Variants in HBE1 observed in about 807,000 individuals in gnomAD.
The protein encoded by HBE1 is hemoglobin subunit epsilon.
Under a neutral mutation model 12.1 loss-of-function variants are expected in HBE1, and 10 were observed. That is an observed-to-expected ratio of 0.83 (90% CI 0.51 to 1.40). HBE1 has a LOEUF of 1.40. HBE1 is among the 40% of genes most tolerant of loss of function. The probability of loss-of-function intolerance (pLI) is 0.00; values close to 1 mark genes in which losing one functional copy is unlikely to be tolerated. For missense variants in HBE1, 172 were observed against 175.8 expected (o/e 0.98, Z 0.12); for synonymous variants, 78 against 70.4 (o/e 1.11, Z -0.54).
In HBE1 at chr11:5,268,525, C is replaced by T; in HGVS notation, c.388G>A (p.Ala130Thr). The T allele has an allele frequency of 6.2e-7, 1 of 1,613,744 alleles. No homozygotes were observed. The highest frequency in any genetic ancestry group is 8.5e-7 in the Non-Finnish European group (1 of 1,179,652). ...ACAGCAGACACCAGCTTCTGCCAGGCAGCCTGCACTTCAGGGGTGAACTCC... is the reference window on the plus strand; with the variant it reads ...ACAGCAGACACCAGCTTCTGCCAGGTAGCCTGCACTTCAGGGGTGAACTCC... ...GKEFTPEVQA[A>T]WQKLVSAVAI... The change falls in exon 3 of 3, where the codon GCC becomes ACC. Residue 130 changes from alanine (A) to threonine (T), a missense_variant. Coordinates refer to ENST00000396895, the MANE Select transcript of HBE1 (RefSeq NM_005330.4).
intron 2 of HBE1, 133 bp downstream of exon 2, chr11:5,269,321 A>G (rs1848166139): frequency 9.5e-6 from 7 of 740,732 alleles, no homozygotes. Context: ...TGCTCACTAG[A>G]AGTCTGCTGT....
rs747891694 is a variant in HBE1 at position 5,269,588 on chromosome 11, C to A, written c.181G>T (p.Val61Phe). 7.4e-6 allele frequency: 12 copies of A among 1,613,908 alleles called. No individual in the cohort carries two copies. In the Admixed American group the frequency reaches 1.3e-4, roughly 18 times the overall value. The change falls in exon 2 of 3, where the codon GTC (valine) becomes TTC (phenylalanine). Residue 61 changes from valine (V) to phenylalanine (F), a missense_variant. Val to Phe is a conservative substitution (Grantham distance 50, BLOSUM62 -1). Transcript: ENST00000396895. ...AGCACCTTCTTGCCATGGGCCTTGACCTTGGGGTTGCCCAGGATGGCAGAG... is the reference window on the plus strand; with the variant it reads ...AGCACCTTCTTGCCATGGGCCTTGAACTTGGGGTTGCCCAGGATGGCAGAG... ...SPSAILGNPK[V>F]KAHGKKVLTS... is the part of the protein sequence containing the mutation.
intron 2 of HBE1, 99 bp from the exon 3 acceptor site, chr11:5,268,696 T>C (rs902462920): frequency 9.0e-6 from 10 of 1,110,870 alleles, no homozygotes; most frequent in Non-Finnish European, 1.3e-5. Context: ...AACGGCTTTA[T>C]ACCTACATTC....
At chr11:5,269,756 A>G (rs916135848) in intron 1 of HBE1, 43 bp downstream of exon 1, 4 of 1,544,958 alleles carry the variant, frequency 2.6e-6, no homozygotes, top group Admixed American at 3.3e-5. Context: ...TTGCTAGGGT[A>G]ATATTCACCC....
chr11:5,268,674 C>CAAAA lies in HBE1; in HGVS notation c.316-78_316-77insTTTT, dbSNP rs2133623434. The CAAAA allele has an allele frequency of 3.6e-6, 5 of 1,371,608 alleles. No homozygotes were observed. In the Admixed American group the frequency reaches 7.0e-5, roughly 19 times the overall value. 85.0% of individuals were successfully genotyped at this position (1,371,608 alleles called of 1,614,324 possible). A position where few individuals can be genotyped will look rare whatever the true frequency, so the allele number is the denominator to read the frequency against. On this transcript the variant is annotated intron_variant, in intron 2 of 2. Transcript: ENST00000396895. ...GAAAACAACTTGATGAAAAAACAAA[C>CAAAA]AAACAAACAAAAACGGCTTTATACC...
intron 2 of HBE1, 33 bp from the exon 3 acceptor site, chr11:5,268,630 A>C (rs923335549): frequency 1.3e-6 from 2 of 1,563,672 alleles, no homozygotes; most frequent in African/African-American, 2.7e-5. Flanking sequence ...ACACACAGGC[A>C]TGTTGAGTAG....
chr11:5,269,749 CTAGGGTAATAT>C, intron 1 of HBE1, 39 bp downstream of exon 1: 1 of 1,550,118 alleles, frequency 6.5e-7, no homozygotes, highest in Non-Finnish European at 8.9e-7. Flanking sequence ...AATCAACTTG[CTAGGGTAATAT>C]TCACCCTTCA....
At position 5,269,576 on chromosome 11, in the gene HBE1, C is replaced by T; in HGVS notation, c.193G>A (p.Gly65Ser). 1 of 1,613,968 alleles carries T rather than the reference C, an allele frequency of 6.2e-7. No individual in the cohort carries two copies. The highest frequency in any genetic ancestry group is 8.5e-7 in the Non-Finnish European group (1 of 1,179,890). Reference sequence around the variant, plus strand: ...CCAAAGGAAGTCAGCACCTTCTTGCCATGGGCCTTGACCTTGGGGTTGCCC... The same window carrying T: ...CCAAAGGAAGTCAGCACCTTCTTGCTATGGGCCTTGACCTTGGGGTTGCCC... ...ILGNPKVKAH[G>S]KKVLTSFGDA... The change falls in exon 2 of 3, where the codon GGC (glycine) becomes AGC (serine). Residue 65 changes from glycine to serine, a missense_variant. Gly to Ser is a moderately conservative substitution (Grantham distance 56, BLOSUM62 0). Transcript: ENST00000396895.
At position 5,269,572 on chromosome 11, in the gene HBE1, T is replaced by C. The variant is rs200008612; in HGVS notation, c.197A>G (p.Lys66Arg). 6.2e-7 allele frequency: 1 copy of C among 1,613,954 alleles called. No homozygotes were observed. ...LGNPKVKAHG[K>R]KVLTSFGDAI... The stretch of plus-strand genomic sequence containing the variant: ...ATCTCCAAAGGAAGTCAGCACCTTC[T>C]TGCCATGGGCCTTGACCTTGGGGTT... Residue 66 changes from lysine (K) to arginine (R), a missense_variant, in exon 2 of 3, where the codon AAG becomes AGG. Lys to Arg is a conservative substitution (Grantham distance 26). Transcript: ENST00000396895.
At chr11:5,268,895 A>G (rs1429026246) in intron 2 of HBE1, among the ~76,000 whole-genome samples, 1 of 152,146 alleles carries the variant, frequency 6.6e-6, no homozygotes, top group African/African-American at 2.4e-5. Context: ...GCAATTGTCT[A>G]ATTTTTGTAA....
In HBE1 at chr11:5,269,564, G is replaced by T; in HGVS notation, c.205C>A (p.Leu69Met). The T allele has an allele frequency of 6.2e-7, 1 of 1,613,836 alleles. No individual in the cohort carries two copies. The highest frequency in any genetic ancestry group is 8.5e-7 in the Non-Finnish European group (1 of 1,179,726). The change falls in exon 2 of 3, where the codon CTG becomes ATG. Residue 69 changes from leucine (L) to methionine (M), a missense_variant. Physicochemically the swap from Leu to Met is conservative, Grantham distance 15 (BLOSUM62 2). Coordinates refer to ENST00000396895, the MANE Select transcript of HBE1 (RefSeq NM_005330.4). Reference sequence around the variant, plus strand: ...TTAATAGCATCTCCAAAGGAAGTCAGCACCTTCTTGCCATGGGCCTTGACC... The same window carrying T: ...TTAATAGCATCTCCAAAGGAAGTCATCACCTTCTTGCCATGGGCCTTGACC... The part of the protein sequence containing the change: ...PKVKAHGKKV[L>M]TSFGDAIKNM...
At chr11:5,268,756 A>T (rs1412952789) in intron 2 of HBE1, among the ~76,000 whole-genome samples, 159 bp from the exon 3 acceptor site, 2 of 152,146 alleles carry the variant, frequency 1.3e-5, no homozygotes, top group African/African-American at 4.8e-5. Flanking sequence ...CCACCCAAAA[A>T]ATTCAGATGA....
chr11:5,269,441 C>A lies in HBE1; in HGVS notation c.315+13G>T, dbSNP rs554795453. On this transcript the variant is annotated intron_variant, in intron 2 of 2. Coordinates refer to ENST00000396895, the MANE Select transcript of HBE1 (RefSeq NM_005330.4). ...TAAAGCCAAAAAATCACATCACCAG[C>A]ACCTGAACTCACCTTGAAGTTCTCA... 3 of 1,579,648 alleles carry A rather than the reference C, an allele frequency of 1.9e-6. No homozygotes were observed. Among genetic ancestry groups the A allele is most frequent in the African/African-American group, 2.7e-5 (2 of 74,216 alleles).
chr11:5,268,547 C>G lies in HBE1; in HGVS notation c.366G>C (p.Glu122Asp), dbSNP rs771648011. 3 of 1,613,854 alleles carry G rather than the reference C, an allele frequency of 1.9e-6. No individual in the cohort carries two copies. Among genetic ancestry groups the G allele is most frequent in the Non-Finnish European group, 2.5e-6 (3 of 1,179,744 alleles). ...AGGCAGCCTGCACTTCAGGGGTGAA[C>G]TCCTTGCCAAAGTGAGTAGCCAGAA... The part of the protein sequence containing the change: ...VIILATHFGK[E>D]FTPEVQAAWQ... The change falls in exon 3 of 3, where the codon GAG (glutamate) becomes GAC (aspartate). Residue 122 changes from glutamate (E) to aspartate (D), a missense_variant. Transcript: ENST00000396895.
In HBE1 at chr11:5,269,679, A is replaced by G. The variant is rs755838978; in HGVS notation, c.93-3T>C. ...TCCAGGGGTAAACAACGAGGAGTCT[A>G]TGAAATGACACCATATCAGATACAA... On this transcript the variant is annotated splice_polypyrimidine_tract_variant and splice_region_variant and intron_variant, in intron 1 of 2. Transcript: ENST00000396895. 6.8e-6 allele frequency: 11 copies of G among 1,606,232 alleles called. No homozygotes were observed. In the Admixed American group the frequency reaches 1.7e-4, roughly 24 times the overall value.
chr11:5,268,681 A>ACAAC (rs2133623475), intron 2 of HBE1, 84 bp from the exon 3 acceptor site: 41 of 1,345,426 alleles, frequency 3.0e-5, no homozygotes, highest in Non-Finnish European at 3.9e-5. Context: ...AAACAAACAA[A>ACAAC]CAAAAACGGC....
chr11:5,269,140 C>G (rs67385638), intron 2 of HBE1, among the ~76,000 whole-genome samples: 50,834 of 152,024 alleles, frequency 0.33, 9,239 homozygotes, highest in African/African-American at 0.45. Context: ...AATGGACTTT[C>G]ATCTACCAAA....
chr11:5,268,686 A>AAAC, intron 2 of HBE1, 89 bp from the exon 3 acceptor site: 2,928 of 534,310 alleles, frequency 5.5e-3, no homozygotes, highest in Middle Eastern at 9.4e-3. Context: ...AACAAACAAA[A>AAAC]ACGGCTTTAT....
intron 2 of HBE1, 78 bp downstream of exon 2, chr11:5,269,376 C>A: frequency 9.5e-7 from 1 of 1,053,668 alleles, no homozygotes; most frequent in Non-Finnish European, 1.5e-6. Context: ...CTTTGTTGGT[C>A]TTTCCAATAA....
Sources: gnomAD v4.1 joint callset for allele counts (sites outside exome capture counted in the v4.1 genomes callset) on GRCh38, gnomAD v4.1.1 for gene constraint, MANE v1.5 for transcripts, NCBI Gene and HGNC (gene_info 2026-07-23, HGNC 2026-07-21) for gene names.